The following TENM2 variants were observed in gnomAD, a reference collection of about 807,000 sequenced individuals.
The protein encoded by TENM2 is teneurin-2.
TENM2 carries 52 observed loss-of-function variants against 245.2 expected under a neutral mutation model. That is an observed-to-expected ratio of 0.21 (90% CI 0.17 to 0.27). The LOEUF (loss-of-function observed/expected upper bound fraction) is 0.27. Ranked by LOEUF, TENM2 falls within the 10% of genes least tolerant of loss-of-function variation. The probability of loss-of-function intolerance (pLI) is 1.00; values close to 1 mark genes in which losing one functional copy is unlikely to be tolerated. For synonymous variants in TENM2, 1,363 were observed against 1,438.9 expected, an observed-to-expected ratio of 0.95 and a Z score of 1.19; for missense variants, 3,046 against 3,666.8, an observed-to-expected ratio of 0.83 and a Z score of 4.37.
chr5:167,927,458 TGTA>T (rs1435992923), intron 3 of TENM2, among the ~76,000 whole-genome samples: 3 of 152,172 alleles, frequency 2.0e-5, no homozygotes, highest in African/African-American at 7.2e-5. Context: ...GCGGTGCTAA[TGTA>T]GTCTCCTGGA....
At chr5:167,289,148 G>A (rs907903950) in intron 1 of TENM2, among the ~76,000 whole-genome samples, 3 of 152,108 alleles carry the variant, frequency 2.0e-5, no homozygotes, top group Non-Finnish European at 2.9e-5. Context: ...AAAACGTTTC[G>A]ACTGTAGGGA....
the TENM2 span, among the ~76,000 whole-genome samples, chr5:167,172,273 C>A: frequency 1.3e-5 from 2 of 152,156 alleles, no homozygotes; most frequent in Non-Finnish European, 2.9e-5. Context: ...TTTCTGAGGA[C>A]ATCTGAGAAA....
At chr5:168,227,793 A>C in intron 24 of TENM2, 102 bp from the exon 27 acceptor site, 1 of 723,972 alleles carries the variant, frequency 1.4e-6, no homozygotes, top group Non-Finnish European at 2.3e-6. Flanking sequence ...GCTGCAAAGT[A>C]CCATGGAAAC....
At chr5:167,406,925 A>G (rs935558888) in intron 2 of TENM2, among the ~76,000 whole-genome samples, 1 of 152,192 alleles carries the variant, frequency 6.6e-6, no homozygotes, top group African/African-American at 2.4e-5. Flanking sequence ...CTGCATTTCC[A>G]GATGCTAGAG....
intron 1 of TENM2, among the ~76,000 whole-genome samples, chr5:167,305,505 GA>G (rs2127743474): frequency 1.3e-5 from 2 of 152,288 alleles, no homozygotes; most frequent in East Asian, 3.9e-4. Flanking sequence ...AGGAAACTCA[GA>G]CAGCTTGCTT....
chr5:167,967,916 C>T (rs1862415), intron 4 of TENM2, among the ~76,000 whole-genome samples: 13,028 of 152,244 alleles, frequency 0.086, 670 homozygotes, highest in South Asian at 0.17. Flanking sequence ...CTTGATGAAG[C>T]GCAAGTCCTT....
chr5:168,063,857 T>C (rs769310769), intron 7 of TENM2, among the ~76,000 whole-genome samples: 8 of 152,154 alleles, frequency 5.3e-5, no homozygotes, highest in African/African-American at 1.2e-4. Context: ...AAAGGACTAT[T>C]TCTTTTTTGA....
intron 2 of TENM2, among the ~76,000 whole-genome samples, chr5:167,378,111 A>G (rs933694414): frequency 2.0e-5 from 3 of 152,140 alleles, no homozygotes; most frequent in African/African-American, 7.2e-5. Context: ...TGTTTACTTA[A>G]AAATCTCCCT....
At chr5:167,102,042 ATGG>A in the TENM2 span, among the ~76,000 whole-genome samples, 1 of 148,376 alleles carries the variant, frequency 6.7e-6, no homozygotes, top group Non-Finnish European at 1.5e-5. Context: ...CCTAGCCAAC[ATGG>A]TGAAACCCCC....
At chr5:167,674,205 C>T (rs1304141288) in intron 2 of TENM2, among the ~76,000 whole-genome samples, 4 of 152,084 alleles carry the variant, frequency 2.6e-5, no homozygotes, top group Admixed American at 6.6e-5. Context: ...GACCTTCTTG[C>T]GTGCAGTTTA....
intron 2 of TENM2, among the ~76,000 whole-genome samples, chr5:167,571,928 G>C (rs1774290784): frequency 6.6e-6 from 1 of 152,204 alleles, no homozygotes; most frequent in African/African-American, 2.4e-5. Flanking sequence ...TGTCCGCAGA[G>C]ATTTCCGGAT....
chr5:166,998,612 T>C, the TENM2 span, among the ~76,000 whole-genome samples: 1 of 152,154 alleles, frequency 6.6e-6, no homozygotes, highest in Admixed American at 6.5e-5. Flanking sequence ...CTACAAAATT[T>C]CAAGAAAAAA....
intron 2 of TENM2, among the ~76,000 whole-genome samples, chr5:167,530,988 CA>C (rs1771457961): frequency 6.6e-6 from 1 of 152,218 alleles, no homozygotes; most frequent in Non-Finnish European, 1.5e-5. Flanking sequence ...GAGCAATACA[CA>C]ATCCTTGACT....
At chr5:167,154,181 A>G in the TENM2 span, among the ~76,000 whole-genome samples, 1 of 152,222 alleles carries the variant, frequency 6.6e-6, no homozygotes, top group Non-Finnish European at 1.5e-5. Context: ...GTTCTTGTGT[A>G]TATGTATTGA....
intron 2 of TENM2, among the ~76,000 whole-genome samples, chr5:167,639,385 C>A (rs143186215): frequency 7.3e-4 from 111 of 152,260 alleles, no homozygotes; most frequent in African/African-American, 2.6e-3. Context: ...GTCATCTTAG[C>A]CTAAATCAGG....
At chr5:166,999,895 G>A in the TENM2 span, among the ~76,000 whole-genome samples, 7 of 152,194 alleles carry the variant, frequency 4.6e-5, no homozygotes, top group East Asian at 1.4e-3. Context: ...AAGGAATAGA[G>A]CTGGAGATGG....
chr5:167,728,844 A>T (rs906031340), intron 2 of TENM2: 6 of 152,250 alleles, frequency 3.9e-5, no homozygotes, highest in African/African-American at 1.4e-4. Flanking sequence ...AGGAGATTCA[A>T]TCAAAATAAA....
intron 2 of TENM2, among the ~76,000 whole-genome samples, chr5:167,547,843 C>T (rs185528818): frequency 6.6e-6 from 1 of 152,278 alleles, no homozygotes; most frequent in African/African-American, 2.4e-5. Flanking sequence ...TTCAACCCTT[C>T]AATTTAAGGG....
chr5:167,539,981 G>A (rs999486599), intron 2 of TENM2, among the ~76,000 whole-genome samples: 1 of 152,198 alleles, frequency 6.6e-6, no homozygotes, highest in African/African-American at 2.4e-5. Flanking sequence ...GCTCATGGGA[G>A]TTGTTGAGGC....
Sources: gnomAD v4.1 joint callset for allele counts (sites outside exome capture counted in the v4.1 genomes callset) on GRCh38, gnomAD v4.1.1 for gene constraint, MANE v1.5 for transcripts, NCBI Gene and HGNC (gene_info 2026-07-23, HGNC 2026-07-21) for gene names.